ZNF705G: variants seen among roughly 807,000 people sequenced by gnomAD.
The protein encoded by ZNF705G is zinc finger protein 705G, also known as putative zinc finger protein 705G.
ZNF705G carries 23 observed loss-of-function variants against 19.6 expected under a neutral mutation model. That is an observed-to-expected ratio of 1.17 (90% CI 0.84 to 1.66). ZNF705G has a LOEUF of 1.66. Among genes scored for constraint, ZNF705G ranks in the 40% most tolerant of loss-of-function variants. The pLI is 0.00. For missense variants in ZNF705G, 457 were observed against 354.4 expected, an observed-to-expected ratio of 1.29 and a Z score of -2.32; for synonymous variants, 146 against 117.7, an observed-to-expected ratio of 1.24 and a Z score of -1.56.
At chr8:7,366,773 T>A (rs1377473345) in intron 2 of ZNF705G, among the ~76,000 whole-genome samples, 1 of 149,564 alleles carries the variant, frequency 6.7e-6, no homozygotes, top group East Asian at 1.9e-4. Flanking sequence ...CAGAATATAA[T>A]TTAACTATAA....
chr8:7,358,761 T>C (rs190136467), intron 6 of ZNF705G, among the ~76,000 whole-genome samples: 1 of 149,506 alleles, frequency 6.7e-6, no homozygotes, highest in East Asian at 1.9e-4. Context: ...GGGAACTGGG[T>C]CACACAAACC....
chr8:7,360,250 T>G lies in ZNF705G; in HGVS notation c.222A>C (p.Gln74His), dbSNP rs1427873086. ...ELWREGRVFL[Q>H]DQNPNRESAL... ...CCTGTTGCTTACTTGGATTCTGGTC[T>G]TGAAGAAATACTCTTCCTTCCCTCC... The change falls in exon 5 of 7, where the codon CAA becomes CAC. Residue 74 changes from glutamine to histidine, a missense_variant. Transcript: ENST00000400156. 1 of 1,592,342 alleles carries G rather than the reference T, an allele frequency of 6.3e-7. No individual in the cohort carries two copies.
Position 7,356,188 on chromosome 8 carries a change from C to CATTGAATCA in ZNF705G, c.*1779_*1787dup, listed in dbSNP as rs1806227562. 1 of 149,500 alleles carries CATTGAATCA rather than the reference C, an allele frequency of 6.7e-6. No homozygotes were observed. Among genetic ancestry groups the CATTGAATCA allele is most frequent in the South Asian group, 2.1e-4 (1 of 4,742 alleles). 9.3% of individuals were successfully genotyped at this position (149,500 alleles called of 1,614,324 possible). On this transcript the variant is annotated 3_prime_UTR_variant, in exon 7 of 7. Coordinates refer to ENST00000400156, the MANE Select transcript of ZNF705G (RefSeq NM_001164457.3). ...CTTTCATTTTGCTTCAGGAAAAGTA[C>CATTGAATCA]ATTGAATCAAATATAGGAAAGGCTT...
At position 7,363,593 on chromosome 8, in the gene ZNF705G, C is replaced by G. The variant is rs372042193; in HGVS notation, c.-71-576G>C. On this transcript the variant is annotated intron_variant, in intron 2 of 6. Coordinates refer to ENST00000400156, the MANE Select transcript of ZNF705G (RefSeq NM_001164457.3). ...CCCAGCACTTTGGGAGGCCAAGGCACGTGGATCACCTGAGGTCAAGTGTTC... is the reference window on the plus strand; with the variant it reads ...CCCAGCACTTTGGGAGGCCAAGGCAGGTGGATCACCTGAGGTCAAGTGTTC... 1.3e-4 allele frequency among the ~76,000 whole-genome samples: 20 copies of G among 149,614 alleles called. 2 individuals carry two copies. The highest frequency in any genetic ancestry group is 2.6e-4 in the African/African-American group (10 of 39,060).
chr8:7,379,973 C>G, intron 2 of ZNF705G, among the ~76,000 whole-genome samples: 1 of 141,180 alleles, frequency 7.1e-6, no homozygotes, highest in Non-Finnish European at 1.5e-5. Flanking sequence ...CATGTCCATC[C>G]AGAGTCCTGC....
At position 7,355,728 on chromosome 8, in the gene ZNF705G, T is replaced by G. The variant is rs551606771; in HGVS notation, c.*2248A>C. The G allele has an allele frequency of 2.9e-4, 44 of 149,836 alleles. 2 individuals are homozygous for G. The South Asian group carries it at 9.0e-3, about 31-fold the overall frequency. The allele number at this position is 149,836 out of a possible 1,614,324, so 9.3% of individuals were successfully genotyped here. A position where few individuals can be genotyped will look rare whatever the true frequency, so the allele number is the denominator to read the frequency against. Reference sequence around the variant, plus strand: ...ACAGCACAAATAGTACATCTTAATGTGGTTCAGGAGTACATATAATGTCAG... The same window carrying G: ...ACAGCACAAATAGTACATCTTAATGGGGTTCAGGAGTACATATAATGTCAG... On this transcript the variant is annotated 3_prime_UTR_variant, in exon 7 of 7. Transcript: ENST00000400156.
At position 7,370,795 on chromosome 8, in the gene ZNF705G, A is replaced by G. The variant is rs1320148079; in HGVS notation, c.-71-7778T>C. Among the ~76,000 whole-genome samples the G allele has an allele frequency of 4.4e-5, 5 of 113,730 alleles. 1 individual carries two copies. Among genetic ancestry groups the G allele is most frequent in the African/African-American group, 2.0e-4 (5 of 24,492 alleles). The allele number at this position is 113,730 out of a possible 152,430, so 74.6% of individuals were successfully genotyped here. ...TCATTGCAGCACTATTCACAACAGC[A>G]AAGACATGGAATCAACCCGAATGTC... On this transcript the variant is annotated intron_variant, in intron 2 of 6. Coordinates refer to ENST00000400156, the MANE Select transcript of ZNF705G (RefSeq NM_001164457.3).
intron 5 of ZNF705G, 114 bp from the exon 6 acceptor site, chr8:7,359,815 T>A (rs1163499752): frequency 1.3e-6 from 2 of 1,493,320 alleles, no homozygotes; most frequent in Non-Finnish European, 1.8e-6. Flanking sequence ...GTGGCAAGTG[T>A]GTCAAATGAA....
At chr8:7,365,189 T>C (rs917848900) in intron 2 of ZNF705G, among the ~76,000 whole-genome samples, 1 of 149,488 alleles carries the variant, frequency 6.7e-6, no homozygotes, top group African/African-American at 2.6e-5. Context: ...TAAAAACACA[T>C]ACATACACAA....
At chr8:7,363,783 T>C (rs1806715997) in intron 2 of ZNF705G, among the ~76,000 whole-genome samples, 2 of 149,222 alleles carry the variant, frequency 1.3e-5, no homozygotes, top group Admixed American at 6.6e-5. Flanking sequence ...ATCCCACCAC[T>C]GCACTCCAGC....
At chr8:7,368,915 T>A (rs1305261976) in intron 2 of ZNF705G, among the ~76,000 whole-genome samples, 1 of 149,574 alleles carries the variant, frequency 6.7e-6, no homozygotes, top group Non-Finnish European at 1.5e-5. Context: ...GTGCACAAGG[T>A]ACAGGAGTAC....
Position 7,361,245 on chromosome 8 carries a change from T to C in ZNF705G, c.13-9A>G. 1 of 1,592,582 alleles carries C rather than the reference T, an allele frequency of 6.3e-7. No individual in the cohort carries two copies. The highest frequency in any genetic ancestry group is 1.1e-5 in the South Asian group (1 of 90,710). On this transcript the variant is annotated splice_polypyrimidine_tract_variant and intron_variant, in intron 3 of 6. Transcript: ENST00000400156. ...TCAAAAGTCAGTTTCTTCTAAAACA[T>C]CACAGACATTTTAGTTTAGACAGAG...
intron 3 of ZNF705G, among the ~76,000 whole-genome samples, chr8:7,362,059 G>A (rs1459533594): frequency 6.7e-6 from 1 of 149,404 alleles, no homozygotes; most frequent in Non-Finnish European, 1.5e-5. Context: ...CCAAACATCA[G>A]TTATCATCGT....
chr8:7,380,243 C>T (rs1807428310), intron 2 of ZNF705G, among the ~76,000 whole-genome samples: 3 of 144,850 alleles, frequency 2.1e-5, no homozygotes, highest in Non-Finnish European at 4.4e-5. Context: ...GACTCACCTG[C>T]CTGAGCACTA....
intron 2 of ZNF705G, among the ~76,000 whole-genome samples, chr8:7,375,620 G>A (rs1263836717): frequency 1.1e-5 from 1 of 94,086 alleles, no homozygotes; most frequent in Non-Finnish European, 2.1e-5. Context: ...ATGCTCAATA[G>A]AATCAGGTAT....
intron 3 of ZNF705G, among the ~76,000 whole-genome samples, chr8:7,361,506 A>C (rs1307023838): frequency 6.7e-6 from 1 of 149,740 alleles, no homozygotes; most frequent in Non-Finnish European, 1.5e-5. Context: ...TAATGTGTTA[A>C]TCACCTCTAC....
At chr8:7,384,862 C>T (rs564458214) in intron 1 of ZNF705G, among the ~76,000 whole-genome samples, 1 of 146,424 alleles carries the variant, frequency 6.8e-6, no homozygotes, top group East Asian at 1.9e-4. Context: ...TACCATGAGT[C>T]TTGAAAGTGG....
intron 2 of ZNF705G, among the ~76,000 whole-genome samples, chr8:7,368,405 G>C (rs1806956912): frequency 6.7e-6 from 1 of 149,540 alleles, no homozygotes; most frequent in South Asian, 2.1e-4. Context: ...GTCTTCTGGA[G>C]ACTCTATATT....
At chr8:7,363,984 C>T (rs1806729530) in intron 2 of ZNF705G, among the ~76,000 whole-genome samples, 1 of 149,580 alleles carries the variant, frequency 6.7e-6, no homozygotes, top group South Asian at 2.1e-4. Context: ...TATACAGTCA[C>T]AATCCTCTAG....
Sources: allele counts gnomAD v4.1 joint callset (sites outside exome capture counted in the v4.1 genomes callset), GRCh38; gene constraint gnomAD v4.1.1; transcripts MANE v1.5; gene names NCBI Gene and HGNC (gene_info 2026-07-23, HGNC 2026-07-21).